Variants in ANTXR1 observed in about 807,000 individuals in gnomAD.
The protein encoded by ANTXR1 is anthrax toxin receptor 1.
Under a neutral mutation model 78.1 loss-of-function variants are expected in ANTXR1, and 19 were observed. That is an observed-to-expected ratio of 0.24 (90% CI 0.17 to 0.36). The LOEUF (loss-of-function observed/expected upper bound fraction) is 0.36, where lower values mean the gene tolerates loss of function less well. ANTXR1 is among the 10% of genes least tolerant of loss of function. The pLI is 1.00. For missense variants in ANTXR1, 518 were observed against 718.6 expected (o/e 0.72, Z 3.19); for synonymous variants, 273 against 260.5 (o/e 1.05, Z -0.46).
chr2:69,188,395 C>G (rs1009272299), intron 16 of ANTXR1, among the ~76,000 whole-genome samples: 2 of 152,200 alleles, frequency 1.3e-5, no homozygotes, highest in Admixed American at 6.5e-5. Flanking sequence ...GTGCCCGGCT[C>G]CCTACCTCCA....
At chr2:69,242,532 T>G (rs1675920003) in intron 17 of ANTXR1, among the ~76,000 whole-genome samples, 1 of 152,206 alleles carries the variant, frequency 6.6e-6, no homozygotes, top group Non-Finnish European at 1.5e-5. Flanking sequence ...ATTCATTAAT[T>G]AATTAGCCTC....
chr2:69,149,001 G>A (rs930363454), intron 12 of ANTXR1, among the ~76,000 whole-genome samples: 5 of 152,184 alleles, frequency 3.3e-5, no homozygotes, highest in South Asian at 2.1e-4. Flanking sequence ...GCACGTACAC[G>A]TTATCTCCTT....
chr2:69,039,870 C>G (rs1365024532), intron 1 of ANTXR1, among the ~76,000 whole-genome samples, 174 bp from the exon 2 acceptor site: 2 of 151,950 alleles, frequency 1.3e-5, no homozygotes, highest in Admixed American at 6.6e-5. Flanking sequence ...TTAAAGAACC[C>G]TAACAGAAAG....
intron 12 of ANTXR1, among the ~76,000 whole-genome samples, chr2:69,144,490 A>G (rs1673164329): frequency 6.6e-6 from 1 of 152,138 alleles, no homozygotes; most frequent in Non-Finnish European, 1.5e-5. Flanking sequence ...TGTACCAGAG[A>G]AAGGGGGAGA....
At chr2:69,231,420 G>A (rs371531876) in intron 17 of ANTXR1, among the ~76,000 whole-genome samples, 97 of 151,974 alleles carry the variant, frequency 6.4e-4, no homozygotes, top group Middle Eastern at 6.8e-3. Flanking sequence ...AGGGTGCCAA[G>A]TTCAGAGTCC....
chr2:69,019,341 A>G (rs1671114718), intron 1 of ANTXR1, among the ~76,000 whole-genome samples: 1 of 152,096 alleles, frequency 6.6e-6, no homozygotes, highest in South Asian at 2.1e-4. Context: ...GTAATGGGAA[A>G]TTTTCTTCCA....
intron 1 of ANTXR1, among the ~76,000 whole-genome samples, chr2:69,034,394 A>G (rs1172135472): frequency 1.3e-5 from 2 of 152,164 alleles, no homozygotes; most frequent in Non-Finnish European, 2.9e-5. Flanking sequence ...GACTATCTTC[A>G]AGCAGAATTC....
intron 1 of ANTXR1, among the ~76,000 whole-genome samples, chr2:69,016,844 C>G (rs894246235): frequency 6.6e-6 from 1 of 152,174 alleles, no homozygotes; most frequent in African/African-American, 2.4e-5. Flanking sequence ...TCAAGTGGGT[C>G]TCTAAACAGT....
intron 10 of ANTXR1, among the ~76,000 whole-genome samples, chr2:69,117,076 T>C (rs1310559916): frequency 2.0e-5 from 3 of 152,218 alleles, no homozygotes; most frequent in Non-Finnish European, 4.4e-5. Flanking sequence ...GACCAGGGCC[T>C]CTCAAAAGAC....
chr2:69,054,585 G>C (rs934531576), intron 3 of ANTXR1, among the ~76,000 whole-genome samples: 1 of 152,134 alleles, frequency 6.6e-6, no homozygotes, highest in Non-Finnish European at 1.5e-5. Flanking sequence ...TCCAACTGCT[G>C]AGTGAAAACC....
At chr2:69,146,420 G>A in intron 12 of ANTXR1, 1 of 963,268 alleles carries the variant, frequency 1.0e-6, no homozygotes, top group Non-Finnish European at 1.2e-6. Context: ...TGATACTTAG[G>A]CTATTGAGAA....
intron 13 of ANTXR1, among the ~76,000 whole-genome samples, chr2:69,159,147 A>G (rs1673610138): frequency 2.6e-5 from 4 of 152,324 alleles, no homozygotes; most frequent in African/African-American, 4.8e-5. Flanking sequence ...TTTTATATGT[A>G]TCTAATATTA....
chr2:69,043,988 C>T (rs72895459), intron 2 of ANTXR1, among the ~76,000 whole-genome samples: 8,876 of 152,204 alleles, frequency 0.058, 293 homozygotes, highest in Admixed American at 0.11. Context: ...ACACACAGAA[C>T]GGCATTGCAT....
intron 17 of ANTXR1, among the ~76,000 whole-genome samples, chr2:69,206,878 T>C (rs1674917666): frequency 6.6e-6 from 1 of 152,100 alleles, no homozygotes; most frequent in Non-Finnish European, 1.5e-5. Flanking sequence ...CAAAATAGAA[T>C]CTCTTAGCAA....
rs552824184 is a variant in ANTXR1, at chr2:69,237,860, A to G, written c.1435-7365A>G. Among the ~76,000 whole-genome samples the G allele has an allele frequency of 6.6e-5, 10 of 152,286 alleles. No individual in the cohort carries two copies. In the East Asian group the frequency reaches 1.2e-3, roughly 18 times the overall value. ...TATATGCACATTTTTATTTATATAT[A>G]TGTGTGTGTGTGCACACGTGTATGA... On this transcript the variant is annotated intron_variant, in intron 17 of 17. Coordinates refer to ENST00000303714, the MANE Select transcript of ANTXR1 (RefSeq NM_032208.3).
chr2:69,147,943 T>C (rs995962406), intron 12 of ANTXR1, among the ~76,000 whole-genome samples: 1 of 152,188 alleles, frequency 6.6e-6, no homozygotes, highest in African/African-American at 2.4e-5. Flanking sequence ...TAAGTTAGCA[T>C]TGGACACAGC....
In ANTXR1 at chr2:69,034,123, A is replaced by G. The variant is rs562730392; in HGVS notation, c.153-5921A>G. Among the ~76,000 whole-genome samples, 11 of 152,338 alleles carry G rather than the reference A, an allele frequency of 7.2e-5. No individual in the cohort carries two copies. In the South Asian group the frequency reaches 2.3e-3, roughly 32 times the overall value. ...GCACTGGGAACACACAGTGAGTGCA[A>G]TGTCACAAAAATTTCTTGACTTCTT... On this transcript the variant is annotated intron_variant, in intron 1 of 17. Coordinates refer to ENST00000303714, the MANE Select transcript of ANTXR1 (RefSeq NM_032208.3).
Position 69,070,720 on chromosome 2 carries a change from T to C in ANTXR1, c.370T>C (p.Phe124Leu). Residue 124 changes from phenylalanine to leucine, a missense_variant, in exon 4 of 18, where the codon TTT becomes CTT. Coordinates refer to ENST00000303714, the MANE Select transcript of ANTXR1 (RefSeq NM_032208.3). The stretch of plus-strand genomic sequence containing the variant: ...AGGAGACACTTACATGCATGAAGGA[T>C]TTGAAAGGGTAATTTTAAAACAGTT... ...PGGDTYMHEG[F>L]ERASEQIYYE... The C allele has an allele frequency of 6.2e-7, 1 of 1,613,846 alleles. No individual in the cohort carries two copies. The highest frequency in any genetic ancestry group is 8.5e-7 in the Non-Finnish European group (1 of 1,179,850).
chr2:69,024,701 C>T (rs1185964428), intron 1 of ANTXR1, among the ~76,000 whole-genome samples: 1 of 152,156 alleles, frequency 6.6e-6, no homozygotes, highest in African/African-American at 2.4e-5. Context: ...CTTGTTCACA[C>T]TCAAGTCTGA....
Sources: allele counts gnomAD v4.1 joint callset (sites outside exome capture counted in the v4.1 genomes callset), GRCh38; gene constraint gnomAD v4.1.1; transcripts MANE v1.5; gene names NCBI Gene and HGNC (gene_info 2026-07-23, HGNC 2026-07-21).